Variants in NRXN1 observed in about 807,000 individuals in gnomAD.
The protein encoded by NRXN1 is neurexin-1.
A neutral mutation model predicts 150.9 loss-of-function variants in NRXN1; 39 were observed. The observed-to-expected ratio is 0.26, with a 90% CI of 0.20 to 0.34. The LOEUF (loss-of-function observed/expected upper bound fraction) is 0.34. NRXN1 is among the 10% of genes least tolerant of loss of function. The pLI, the probability that NRXN1 is intolerant of heterozygous loss-of-function variation, is 1.00. For missense variants in NRXN1, 1,815 were observed against 1,949.9 expected (o/e 0.93, Z 1.30); for synonymous variants, 924 against 757.0 (o/e 1.22, Z -3.62).
chr2:50,371,403 C>T (rs1266586965), intron 17 of NRXN1, among the ~76,000 whole-genome samples: 1 of 151,926 alleles, frequency 6.6e-6, no homozygotes, highest in Non-Finnish European at 1.5e-5. Context: ...ATTTGATTAT[C>T]CTGAGAATAT....
chr2:50,569,546 G>A (rs1423409127), intron 8 of NRXN1, among the ~76,000 whole-genome samples: 1 of 152,056 alleles, frequency 6.6e-6, no homozygotes, highest in African/African-American at 2.4e-5. Context: ...ATATGTATGT[G>A]TGTATAATAC....
chr2:50,156,471 T>G (rs1171380469), intron 18 of NRXN1, among the ~76,000 whole-genome samples: 1 of 151,924 alleles, frequency 6.6e-6, no homozygotes, highest in Non-Finnish European at 1.5e-5. Flanking sequence ...ATTACGTAAA[T>G]GGTTCCTTGC....
intron 5 of NRXN1, among the ~76,000 whole-genome samples, chr2:50,799,645 C>A (rs2105678694): frequency 6.6e-6 from 1 of 152,236 alleles, no homozygotes; most frequent in South Asian, 2.1e-4. Context: ...ATGAGACAGT[C>A]AACACTTTAT....
At chr2:50,906,540 C>G (rs1386727241) in intron 5 of NRXN1, among the ~76,000 whole-genome samples, 1 of 152,188 alleles carries the variant, frequency 6.6e-6, no homozygotes, top group Admixed American at 6.6e-5. Context: ...TGTTGCTATG[C>G]TGTTTTCTTA....
intron 8 of NRXN1, among the ~76,000 whole-genome samples, chr2:50,593,356 G>A (rs1291039429): frequency 2.0e-5 from 3 of 152,100 alleles, no homozygotes; most frequent in Non-Finnish European, 2.9e-5. Context: ...AGTCCCAGCA[G>A]GGAACTAGTA....
At chr2:50,592,651 A>T (rs1229931982) in intron 8 of NRXN1, among the ~76,000 whole-genome samples, 2 of 152,230 alleles carry the variant, frequency 1.3e-5, no homozygotes, top group African/African-American at 4.8e-5. Flanking sequence ...AATGAAGGCT[A>T]TCACACTCAG....
intron 5 of NRXN1, among the ~76,000 whole-genome samples, chr2:50,659,841 T>G (rs1038869002): frequency 6.6e-6 from 1 of 151,994 alleles, no homozygotes; most frequent in Non-Finnish European, 1.5e-5. Flanking sequence ...CTATGATTTA[T>G]ACTTGATTTT....
chr2:50,081,998 C>T (rs930965163), intron 19 of NRXN1, among the ~76,000 whole-genome samples: 4 of 152,090 alleles, frequency 2.6e-5, no homozygotes, highest in Admixed American at 2.6e-4. Flanking sequence ...ATATTAAAAT[C>T]AACCAAATAC....
chr2:50,199,061 C>T (rs1439538731), intron 18 of NRXN1: 3 of 152,148 alleles, frequency 2.0e-5, no homozygotes, highest in Non-Finnish European at 4.4e-5. Flanking sequence ...TCAGTCCTCT[C>T]TGTGCTACTT....
chr2:50,484,179 C>T (rs2090700050), intron 15 of NRXN1, among the ~76,000 whole-genome samples: 1 of 152,294 alleles, frequency 6.6e-6, no homozygotes, highest in African/African-American at 2.4e-5. Context: ...AAAAAACTTA[C>T]AGACATTGCC....
chr2:50,074,233 T>C (rs912446999), intron 19 of NRXN1, among the ~76,000 whole-genome samples: 1 of 152,172 alleles, frequency 6.6e-6, no homozygotes, highest in African/African-American at 2.4e-5. Flanking sequence ...AATTATAGTA[T>C]ATTAGCACTA....
intron 19 of NRXN1, among the ~76,000 whole-genome samples, chr2:50,068,667 A>C (rs1695739356): frequency 1.3e-5 from 2 of 152,186 alleles, no homozygotes; most frequent in African/African-American, 4.8e-5. Flanking sequence ...CATGGTAAGC[A>C]CTCAGTAAAT....
intron 17 of NRXN1, among the ~76,000 whole-genome samples, chr2:50,349,266 A>G (rs1235732415): frequency 2.6e-5 from 4 of 152,204 alleles, no homozygotes; most frequent in Non-Finnish European, 5.9e-5. Flanking sequence ...AACCTTCCAC[A>G]GCTGCTCGAA....
intron 13 of NRXN1, among the ~76,000 whole-genome samples, chr2:50,503,579 A>T (rs1381169018): frequency 1.3e-5 from 2 of 152,090 alleles, no homozygotes; most frequent in Non-Finnish European, 2.9e-5. Flanking sequence ...TTAAAAAAAA[A>T]ATAGGAAAGA....
chr2:51,026,999 G>C (rs528019134), intron 2 of NRXN1, among the ~76,000 whole-genome samples: 7 of 152,298 alleles, frequency 4.6e-5, no homozygotes, highest in African/African-American at 1.2e-4. Flanking sequence ...TACCACGAGT[G>C]ACCAGAACCA....
chr2:50,385,036 C>T (rs563629079), intron 17 of NRXN1, among the ~76,000 whole-genome samples: 1 of 152,306 alleles, frequency 6.6e-6, no homozygotes, highest in African/African-American at 2.4e-5. Context: ...AGTCTCCTCA[C>T]CATTTTGAGA....
chr2:50,334,468 GC>G (rs2077054866), intron 17 of NRXN1, among the ~76,000 whole-genome samples: 1 of 152,052 alleles, frequency 6.6e-6, no homozygotes, highest in Non-Finnish European at 1.5e-5. Context: ...TTCTCTAAAA[GC>G]CTATGTCTTT....
At chr2:50,682,739 A>G (rs886888207) in intron 5 of NRXN1, among the ~76,000 whole-genome samples, 1 of 152,148 alleles carries the variant, frequency 6.6e-6, no homozygotes, top group Admixed American at 6.6e-5. Context: ...AGCAAGACAG[A>G]GTGCAACAGT....
intron 17 of NRXN1, among the ~76,000 whole-genome samples, chr2:50,291,621 G>A (rs543257943): frequency 1.3e-5 from 2 of 152,248 alleles, no homozygotes; most frequent in Non-Finnish European, 1.5e-5. Flanking sequence ...AACGAAGCCC[G>A]AAGCCTGCCG....
Sources: allele counts gnomAD v4.1 joint callset (sites outside exome capture counted in the v4.1 genomes callset), GRCh38; gene constraint gnomAD v4.1.1; transcripts MANE v1.5; gene names NCBI Gene and HGNC (gene_info 2026-07-23, HGNC 2026-07-21).